Variants in CASP6 observed in about 807,000 individuals in gnomAD.
The protein encoded by CASP6 is caspase 6, also known as caspase-6.
CASP6 carries 20 observed loss-of-function variants against 31.8 expected under a neutral mutation model. The observed-to-expected ratio is 0.63, with a 90% CI of 0.44 to 0.91. The LOEUF is 0.91. Ranked by LOEUF, CASP6 falls within the 40% of genes least tolerant of loss-of-function variation. The pLI, the probability that CASP6 is intolerant of heterozygous loss-of-function variation, is 0.00. For synonymous variants in CASP6, 130 were observed against 127.8 expected, an observed-to-expected ratio of 1.02 and a Z score of -0.12; for missense variants, 328 against 361.1, an observed-to-expected ratio of 0.91 and a Z score of 0.74.
chr4:109,679,598 G>T, the CASP6 span, among the ~76,000 whole-genome samples: 1 of 152,146 alleles, frequency 6.6e-6, no homozygotes, highest in South Asian at 2.1e-4. Flanking sequence ...GTCCAGCCTC[G>T]GCAAGAGAGG....
chr4:109,697,658 C>T lies in CASP6; in HGVS notation c.194G>A (p.Arg65Gln), dbSNP rs756646698. Residue 65 changes from arginine (R) to glutamine (Q), a missense_variant, in exon 3 of 7, where the codon CGG becomes CAG. Physicochemically the swap from Arg to Gln is conservative, Grantham distance 43. Transcript: ENST00000265164. ...ATTGTCTCTATCTGCGCAGGTGCCC[C>T]GCCTTTCTGGCAGTGTTAAGTGCCA... ...FFWHLTLPER[R>Q]GTCADRDNLT... 1.3e-5 allele frequency: 21 copies of T among 1,613,428 alleles called. No homozygotes were observed. In the East Asian group the frequency reaches 3.1e-4, roughly 24 times the overall value.
intron 3 of CASP6, among the ~76,000 whole-genome samples, chr4:109,697,214 G>C (rs1730272523): frequency 2.0e-5 from 3 of 152,010 alleles, no homozygotes; most frequent in Non-Finnish European, 4.4e-5. Context: ...TAGAAGTCTG[G>C]AATTTTTTTA....
the CASP6 span, among the ~76,000 whole-genome samples, chr4:109,665,500 A>G: frequency 6.6e-6 from 1 of 152,174 alleles, no homozygotes; most frequent in African/African-American, 2.4e-5. Context: ...ACCAAACTCT[A>G]CCAAAATTCA....
At chr4:109,684,546 C>T (rs140165515), downstream of CASP6, 782 of 1,610,628 alleles carry the variant, frequency 4.9e-4, 1 homozygote, top group Non-Finnish European at 6.2e-4. Flanking sequence ...GCCTGGCTCA[C>T]GTGGTGGGTG....
the CASP6 span, among the ~76,000 whole-genome samples, chr4:109,676,331 G>T: frequency 1.3e-5 from 2 of 152,150 alleles, no homozygotes; most frequent in Non-Finnish European, 2.9e-5. Flanking sequence ...TTGAGGTCAG[G>T]AGTTTGAGAC....
chr4:109,671,620 T>A, the CASP6 span, among the ~76,000 whole-genome samples: 1 of 152,242 alleles, frequency 6.6e-6, no homozygotes, highest in Admixed American at 6.5e-5. Context: ...ACTCATCTGT[T>A]CTTGCATATT....
downstream of CASP6, chr4:109,687,743 T>G (rs942028609): frequency 8.2e-6 from 5 of 606,506 alleles, no homozygotes; most frequent in Admixed American, 1.6e-4. Flanking sequence ...TCAACTGAGA[T>G]TTTTACTTTT....
chr4:109,701,794 C>T (rs1228178345), intron 1 of CASP6, among the ~76,000 whole-genome samples: 1 of 152,180 alleles, frequency 6.6e-6, no homozygotes, highest in Non-Finnish European at 1.5e-5. Flanking sequence ...AGCTCAGGAA[C>T]AGGGACAGAG....
chr4:109,667,874 AT>A, the CASP6 span, among the ~76,000 whole-genome samples: 2 of 151,190 alleles, frequency 1.3e-5, no homozygotes, highest in African/African-American at 4.9e-5. Context: ...AAATATTTTA[AT>A]TTTTTTCTTG....
chr4:109,696,734 G>C (rs1730252517), intron 3 of CASP6, among the ~76,000 whole-genome samples: 1 of 151,220 alleles, frequency 6.6e-6, no homozygotes, highest in South Asian at 2.1e-4. Context: ...AAATGCAAAA[G>C]CCTGTCAACA....
chr4:109,676,855 G>A, the CASP6 span, among the ~76,000 whole-genome samples: 32 of 152,222 alleles, frequency 2.1e-4, no homozygotes, highest in Non-Finnish European at 2.5e-4. Context: ...AGTAAAATGA[G>A]AGGAGAATAG....
Position 109,689,491 on chromosome 4 carries a change from A to T in CASP6, c.721T>A (p.Ser241Thr). 1 of 1,614,170 alleles carries T rather than the reference A, an allele frequency of 6.2e-7. No homozygotes were observed. The change falls in exon 7 of 7, where the codon TCC becomes ACC. Residue 241 changes from serine (S) to threonine (T), a missense_variant. Coordinates refer to ENST00000265164, the MANE Select transcript of CASP6 (RefSeq NM_001226.4). ...AGGAGTTCTGTGAACTCTAAGGAGG[A>T]GCCATATTTTCCCAACATCTCACAC... Reference protein sequence around the residue: ...DLCEMLGKYGSSLEFTELLTL... With the variant: ...DLCEMLGKYGTSLEFTELLTL...
the CASP6 span, among the ~76,000 whole-genome samples, chr4:109,708,936 G>A: frequency 9.2e-5 from 14 of 152,302 alleles, no homozygotes; most frequent in South Asian, 2.7e-3. Context: ...TGGGAAACAG[G>A]CTGCCCAGGT....
rs201166197 is a variant in CASP6, at chr4:109,696,394, T to C, written c.307+16A>G. ...CATTAGAGGAAGATGAACTATATGATAGCAAAACTACCTACCCTCATGAAT... is the reference window on the plus strand; with the variant it reads ...CATTAGAGGAAGATGAACTATATGACAGCAAAACTACCTACCCTCATGAAT... On this transcript the variant is annotated intron_variant, in intron 4 of 6. Transcript: ENST00000265164. 3.1e-6 allele frequency: 5 copies of C among 1,591,338 alleles called. No homozygotes were observed. The highest frequency in any genetic ancestry group is 3.4e-5 in the Admixed American group (2 of 59,170).
the CASP6 span, among the ~76,000 whole-genome samples, chr4:109,667,320 A>G: frequency 4.6e-5 from 7 of 152,026 alleles, no homozygotes; most frequent in Non-Finnish European, 1.0e-4. Flanking sequence ...GATAGATTGT[A>G]CCTTTTAGAG....
At position 109,694,884 on chromosome 4, in the gene CASP6, G is replaced by A. The variant is rs540950377; in HGVS notation, c.308-184C>T. On this transcript the variant is annotated intron_variant, in intron 4 of 6. Coordinates refer to ENST00000265164, the MANE Select transcript of CASP6 (RefSeq NM_001226.4). ...TTCACTCTTGGTGCCCAGGGCTGGA[G>A]TGCAGTGGCGCGATCTTGGCTCACT... Among the ~76,000 whole-genome samples the A allele has an allele frequency of 1.3e-3, 195 of 152,312 alleles. 1 individual carries two copies. Among genetic ancestry groups the A allele is most frequent in the African/African-American group, 4.5e-3 (187 of 41,568 alleles).
intron 4 of CASP6, among the ~76,000 whole-genome samples, chr4:109,695,721 G>A (rs965766493): frequency 1.1e-4 from 16 of 147,270 alleles, no homozygotes; most frequent in African/African-American, 4.1e-4. Flanking sequence ...AGCCTGGGGC[G>A]GACAGCGAGA....
the CASP6 span, among the ~76,000 whole-genome samples, chr4:109,667,962 G>C: frequency 0.011 from 1,621 of 151,528 alleles, 34 homozygotes; most frequent in African/African-American, 0.037. Context: ...AGCTATCTTT[G>C]GGTTATTGAT....
the CASP6 span, among the ~76,000 whole-genome samples, chr4:109,680,126 C>CAGA: frequency 6.6e-6 from 1 of 152,116 alleles, no homozygotes; most frequent in African/African-American, 2.4e-5. Context: ...TTTTATCACC[C>CAGA]AGACCTGTCT....
Sources: gnomAD v4.1 joint callset for allele counts (sites outside exome capture counted in the v4.1 genomes callset) on GRCh38, gnomAD v4.1.1 for gene constraint, MANE v1.5 for transcripts, NCBI Gene and HGNC (gene_info 2026-07-23, HGNC 2026-07-21) for gene names.